The following SPIRE1 variants were observed in gnomAD, a reference collection of about 807,000 sequenced individuals.
The protein encoded by SPIRE1 is protein spire homolog 1.
In SPIRE1, 40 loss-of-function variants were observed where a neutral mutation model predicts 94.1. That is an observed-to-expected ratio of 0.43 (90% CI 0.33 to 0.55). SPIRE1 has a LOEUF of 0.55. Ranked by LOEUF, SPIRE1 falls within the 20% of genes least tolerant of loss-of-function variation. SPIRE1 has a pLI of 0.06. For missense variants in SPIRE1, 838 were observed against 975.2 expected, an observed-to-expected ratio of 0.86 and a Z score of 1.87; for synonymous variants, 376 against 371.7, an observed-to-expected ratio of 1.01 and a Z score of -0.13.
intron 2 of SPIRE1, among the ~76,000 whole-genome samples, chr18:12,588,758 TAC>T (rs2036454429): frequency 6.6e-6 from 1 of 152,200 alleles, no homozygotes; most frequent in Non-Finnish European, 1.5e-5. Flanking sequence ...TCCGGAAAAC[TAC>T]ACAGATTTTC....
At chr18:12,531,690 T>C (rs1440348484) in intron 4 of SPIRE1, among the ~76,000 whole-genome samples, 1 of 152,202 alleles carries the variant, frequency 6.6e-6, no homozygotes, top group Non-Finnish European at 1.5e-5. Context: ...GCTGTATGAA[T>C]ATGACAGTAA....
At chr18:12,605,306 C>T (rs943581630) in intron 2 of SPIRE1, among the ~76,000 whole-genome samples, 4 of 151,808 alleles carry the variant, frequency 2.6e-5, no homozygotes, top group Non-Finnish European at 5.9e-5. Context: ...ACCATGAGGT[C>T]AGGAAATGGT....
intron 2 of SPIRE1, among the ~76,000 whole-genome samples, chr18:12,632,625 A>T (rs2037813628): frequency 1.3e-5 from 2 of 152,064 alleles, no homozygotes; most frequent in South Asian, 4.1e-4. Context: ...GCCCTAGAAA[A>T]TACCTATTTT....
chr18:12,518,422 G>A (rs1227454699), intron 4 of SPIRE1, among the ~76,000 whole-genome samples: 1 of 151,876 alleles, frequency 6.6e-6, no homozygotes, highest in African/African-American at 2.4e-5. Flanking sequence ...GAACCTGGGT[G>A]TTGGAAGTGC....
At chr18:12,459,677 G>C (rs1239937179) in intron 12 of SPIRE1, 11 of 868,904 alleles carry the variant, frequency 1.3e-5, no homozygotes, top group South Asian at 5.3e-5. Context: ...TTAATTCTCA[G>C]AGAACGCAAC....
At chr18:12,494,531 C>T (rs539674911) in intron 7 of SPIRE1, among the ~76,000 whole-genome samples, 2 of 151,940 alleles carry the variant, frequency 1.3e-5, no homozygotes, top group Admixed American at 1.3e-4. Flanking sequence ...GAGTAAAAAG[C>T]TCAGAGAAAA....
At chr18:12,640,243 C>G (rs2038049777) in intron 1 of SPIRE1, among the ~76,000 whole-genome samples, 1 of 152,160 alleles carries the variant, frequency 6.6e-6, no homozygotes, top group South Asian at 2.1e-4. Context: ...ACCAAAAAAA[C>G]AGAATTTCTG....
chr18:12,578,407 G>T (rs2036168616), intron 2 of SPIRE1, among the ~76,000 whole-genome samples: 1 of 152,124 alleles, frequency 6.6e-6, no homozygotes, highest in Non-Finnish European at 1.5e-5. Context: ...CAACACAGAT[G>T]AATCTCAAAA....
chr18:12,506,521 T>G lies in SPIRE1; in HGVS notation c.928A>C (p.Met310Leu). The change falls in exon 6 of 17, where the codon ATG becomes CTG. Residue 310 changes from methionine to leucine, a missense_variant. Physicochemically the swap from Met to Leu is conservative, Grantham distance 15 (BLOSUM62 2). This residue lies in a region of SPIRE1 where 645 missense variants were observed against 804.7 expected (regional missense o/e 0.80). Transcript: ENST00000409402. ...EYQLTPYEML[M>L]DDIRCKRYTL... ...TATCTTTTGCAGCGAATGTCATCCATTAACATCTCATAAGGGGTGAGCTGA... is the reference window on the plus strand; with the variant it reads ...TATCTTTTGCAGCGAATGTCATCCAGTAACATCTCATAAGGGGTGAGCTGA... 6.2e-7 allele frequency: 1 copy of G among 1,614,074 alleles called. No homozygotes were observed.
intron 2 of SPIRE1, among the ~76,000 whole-genome samples, chr18:12,632,743 C>A (rs1179120120): frequency 5.1e-4 from 65 of 128,510 alleles, no homozygotes; most frequent in Admixed American, 9.0e-4. Context: ...AGTTAGATTC[C>A]AATTCTTTTG....
chr18:12,562,742 T>C (rs1384209159), intron 2 of SPIRE1, among the ~76,000 whole-genome samples: 1 of 149,814 alleles, frequency 6.7e-6, no homozygotes, highest in African/African-American at 2.5e-5. Context: ...ACTTCTGGGC[T>C]CAAGTGATCC....
intron 10 of SPIRE1, among the ~76,000 whole-genome samples, chr18:12,475,820 A>T (rs923520358): frequency 2.0e-5 from 3 of 152,236 alleles, no homozygotes; most frequent in African/African-American, 7.2e-5. Context: ...TCCTCTCATC[A>T]AAGGGAGAAT....
At chr18:12,509,180 C>T (rs1329127471) in intron 5 of SPIRE1, among the ~76,000 whole-genome samples, 2 of 152,162 alleles carry the variant, frequency 1.3e-5, no homozygotes, top group Non-Finnish European at 1.5e-5. Context: ...TTCTAATTCT[C>T]TCTTAACTCT....
intron 1 of SPIRE1, among the ~76,000 whole-genome samples, chr18:12,644,165 C>A (rs2038160501): frequency 6.8e-6 from 1 of 146,898 alleles, no homozygotes; most frequent in Admixed American, 6.9e-5. Context: ...AGCCACTGCA[C>A]TCCAGCCTAG....
chr18:12,509,207 A>C (rs1461002451), intron 5 of SPIRE1, among the ~76,000 whole-genome samples: 2 of 152,174 alleles, frequency 1.3e-5, no homozygotes, highest in Non-Finnish European at 2.9e-5. Flanking sequence ...TTTTCATTCT[A>C]ATCTTTCTGG....
rs1276315722 is a variant in SPIRE1 at position 12,615,383 on chromosome 18, TA to T, written c.372+19678del. On this transcript the variant is annotated intron_variant, in intron 2 of 16. Transcript: ENST00000409402. ...ATATATATATATATATGCATGTATA[TA>T]AAAAAAATAGCTAGGCAAGGCGGCG... Among the ~76,000 whole-genome samples the T allele has an allele frequency of 6.5e-5, 5 of 76,934 alleles. No individual in the cohort carries two copies. The East Asian group carries it at 1.8e-3, about 27-fold the overall frequency. 50.5% of individuals were successfully genotyped at this position (76,934 alleles called of 152,430 possible). A position where few individuals can be genotyped will look rare whatever the true frequency, so the allele number is the denominator to read the frequency against.
At chr18:12,546,606 G>C (rs1052557460) in intron 3 of SPIRE1, 68 bp downstream of exon 3, 3 of 1,184,168 alleles carry the variant, frequency 2.5e-6, no homozygotes, top group African/African-American at 1.5e-5. Context: ...CTCTCCAGGG[G>C]GGGAAAAAAA....
At position 12,479,706 on chromosome 18, in the gene SPIRE1, T is replaced by C; in HGVS notation, c.1397A>G (p.Glu466Gly). 6.2e-7 allele frequency: 1 copy of C among 1,611,234 alleles called. No individual in the cohort carries two copies. The highest frequency in any genetic ancestry group is 8.5e-7 in the Non-Finnish European group (1 of 1,179,164). ...APTLAELDSS[E>G]SEEETLHKST... ...GGTGAACTGGGGCCTCACCTCAGAC[T>C]CAGAGCTGTCCAGTTCGGCCAGAGT... The change falls in exon 10 of 17, where the codon GAG becomes GGG. Residue 466 changes from glutamate (E) to glycine (G), a missense_variant. Glu to Gly is a moderately conservative substitution (Grantham distance 98, BLOSUM62 -2). Transcript: ENST00000409402.
At chr18:12,548,862 G>A (rs2035251549) in intron 2 of SPIRE1, among the ~76,000 whole-genome samples, 1 of 152,122 alleles carries the variant, frequency 6.6e-6, no homozygotes, top group Non-Finnish European at 1.5e-5. Flanking sequence ...CAATGGGCCT[G>A]CCTCGGCCTC....
Sources: allele counts gnomAD v4.1 joint callset (sites outside exome capture counted in the v4.1 genomes callset), GRCh38; gene constraint gnomAD v4.1.1; regional missense constraint gnomAD v4.1.1; transcripts MANE v1.5; gene names NCBI Gene and HGNC (gene_info 2026-07-23, HGNC 2026-07-21).